BRINP3: variants seen among roughly 807,000 people sequenced by gnomAD.
BRINP3 encodes BMP/retinoic acid-inducible neural-specific protein 3.
Under a neutral mutation model 71.0 loss-of-function variants are expected in BRINP3, and 19 were observed. The ratio of observed to expected loss-of-function variants is 0.27; its 90% confidence interval spans 0.19 to 0.39. The LOEUF (loss-of-function observed/expected upper bound fraction) is 0.39, where lower values mean the gene tolerates loss of function less well. Among genes scored for constraint, BRINP3 ranks in the 10% least tolerant of loss-of-function variants. The pLI is 1.00. For missense variants in BRINP3, 959 were observed against 940.8 expected, an observed-to-expected ratio of 1.02 and a Z score of -0.25; for synonymous variants, 380 against 337.7, an observed-to-expected ratio of 1.13 and a Z score of -1.37.
intron 1 of BRINP3, among the ~76,000 whole-genome samples, chr1:190,455,259 A>T (rs987017903): frequency 6.6e-6 from 1 of 152,164 alleles, no homozygotes; most frequent in African/African-American, 2.4e-5. Context: ...TGATGCAAAT[A>T]AATAATTAAT....
chr1:190,183,858 C>T (rs1653264629), intron 6 of BRINP3, among the ~76,000 whole-genome samples: 1 of 152,116 alleles, frequency 6.6e-6, no homozygotes, highest in Non-Finnish European at 1.5e-5. Context: ...AGACTCCCTA[C>T]TTGACCTTTA....
rs564027214 is a variant in BRINP3, at chr1:190,262,722, T to C, written c.618+2143A>G. ...ATTCCAGATTACTCTTTCTTCCCTC[T>C]CAGAACTGCTTAGATGACACACTTC... On this transcript the variant is annotated intron_variant, in intron 4 of 7. Transcript: ENST00000367462. Among the ~76,000 whole-genome samples the C allele has an allele frequency of 2.0e-5, 3 of 152,286 alleles. No individual in the cohort carries two copies. The South Asian group carries it at 6.2e-4, about 32-fold the overall frequency.
At chr1:190,280,669 C>T (rs1324228823) in intron 3 of BRINP3, among the ~76,000 whole-genome samples, 5 of 151,800 alleles carry the variant, frequency 3.3e-5, no homozygotes, top group East Asian at 1.9e-4. Flanking sequence ...CGAATCAGTC[C>T]GGCTATCTTT....
chr1:190,390,819 T>A (rs1174103222), intron 2 of BRINP3, among the ~76,000 whole-genome samples: 2 of 151,834 alleles, frequency 1.3e-5, no homozygotes, highest in Admixed American at 1.3e-4. Flanking sequence ...TTATGCTAAG[T>A]GACCTGGAGT....
chr1:190,350,033 G>A (rs1668273800), intron 2 of BRINP3, among the ~76,000 whole-genome samples: 1 of 152,094 alleles, frequency 6.6e-6, no homozygotes, highest in Non-Finnish European at 1.5e-5. Flanking sequence ...GGAAAAGTCA[G>A]AGGCCAGAAT....
intron 6 of BRINP3, among the ~76,000 whole-genome samples, chr1:190,198,056 C>T (rs895683693): frequency 5.3e-5 from 8 of 152,172 alleles, no homozygotes; most frequent in Admixed American, 3.9e-4. Flanking sequence ...AGGCCCAACA[C>T]CACCTGTAAG....
intron 2 of BRINP3, among the ~76,000 whole-genome samples, chr1:190,431,266 C>T (rs1383521140): frequency 6.6e-6 from 1 of 151,634 alleles, no homozygotes; most frequent in East Asian, 1.9e-4. Context: ...TGTAGGTCAC[C>T]CTCAAATATT....
intron 2 of BRINP3, among the ~76,000 whole-genome samples, chr1:190,371,626 C>G (rs1407623452): frequency 2.0e-5 from 3 of 152,054 alleles, no homozygotes; most frequent in Admixed American, 6.6e-5. Flanking sequence ...CAGGGGTATT[C>G]TTTTTGCTCA....
chr1:190,284,673 A>G (rs779025049), intron 2 of BRINP3, among the ~76,000 whole-genome samples: 3 of 151,972 alleles, frequency 2.0e-5, no homozygotes, highest in Admixed American at 6.6e-5. Context: ...CTCACTCAAT[A>G]TGTTAAATTT....
chr1:190,427,979 G>C (rs1469982557), intron 2 of BRINP3, among the ~76,000 whole-genome samples: 1 of 151,284 alleles, frequency 6.6e-6, no homozygotes, highest in African/African-American at 2.4e-5. Flanking sequence ...CCAGTTATAA[G>C]TGAGAATATG....
chr1:190,166,669 T>A (rs1444274037), intron 6 of BRINP3, among the ~76,000 whole-genome samples: 1 of 152,132 alleles, frequency 6.6e-6, no homozygotes, highest in Non-Finnish European at 1.5e-5. Context: ...AGTTGGTTAG[T>A]TCCATATGGT....
chr1:190,250,304 T>C (rs1218109191), intron 4 of BRINP3, among the ~76,000 whole-genome samples: 5 of 151,990 alleles, frequency 3.3e-5, no homozygotes, highest in African/African-American at 1.2e-4. Flanking sequence ...AGCTAAGTTT[T>C]ATTTAATTCC....
intron 7 of BRINP3, chr1:190,154,007 A>G: frequency 1.3e-6 from 1 of 777,424 alleles, no homozygotes; most frequent in Non-Finnish European, 1.6e-6. Flanking sequence ...AACATAAACA[A>G]TCCATGACTT....
intron 6 of BRINP3, among the ~76,000 whole-genome samples, chr1:190,205,942 A>T (rs1028753313): frequency 6.6e-6 from 1 of 151,996 alleles, no homozygotes; most frequent in Admixed American, 6.6e-5. Flanking sequence ...CCCAAAGGAA[A>T]ACTTTATGTT....
intron 1 of BRINP3, among the ~76,000 whole-genome samples, chr1:190,474,032 T>A (rs1044575930): frequency 5.9e-5 from 9 of 152,156 alleles, no homozygotes. Flanking sequence ...CCTTTATATA[T>A]TAAGGTCTGG....
chr1:190,434,349 A>G (rs1674308472), intron 2 of BRINP3, among the ~76,000 whole-genome samples: 1 of 151,954 alleles, frequency 6.6e-6, no homozygotes, highest in Admixed American at 6.6e-5. Context: ...ACCTCGGGTG[A>G]TCTGCCCACC....
Position 190,416,843 on chromosome 1 carries a change from C to A in BRINP3, c.236+37812G>T, listed in dbSNP as rs144763930. Among the ~76,000 whole-genome samples the A allele has an allele frequency of 1.6e-3, 250 of 152,240 alleles. 1 individual carries two copies. The highest frequency in any genetic ancestry group is 5.8e-3 in the African/African-American group (241 of 41,546). On this transcript the variant is annotated intron_variant, in intron 2 of 7. Transcript: ENST00000367462. ...ATTACTCCAGAACCGGAGTCTTTAGCTGCAGTGATAACCTGTGCCTGTTAA... is the reference window on the plus strand; with the variant it reads ...ATTACTCCAGAACCGGAGTCTTTAGATGCAGTGATAACCTGTGCCTGTTAA...
At chr1:190,456,772 A>G (rs1307815781) in intron 1 of BRINP3, among the ~76,000 whole-genome samples, 2 of 151,950 alleles carry the variant, frequency 1.3e-5, no homozygotes, top group African/African-American at 2.4e-5. Context: ...TTATTTTTAG[A>G]ATATATAATT....
intron 7 of BRINP3, among the ~76,000 whole-genome samples, chr1:190,156,907 T>C (rs992871190): frequency 6.6e-6 from 1 of 152,096 alleles, no homozygotes; most frequent in African/African-American, 2.4e-5. Context: ...ACATTTTCAT[T>C]ACAAAACTTG....
Sources: allele counts gnomAD v4.1 joint callset (sites outside exome capture counted in the v4.1 genomes callset), GRCh38; gene constraint gnomAD v4.1.1; transcripts MANE v1.5; gene names NCBI Gene and HGNC (gene_info 2026-07-23, HGNC 2026-07-21).